The following NEGR1 variants were observed in gnomAD, a reference collection of about 807,000 sequenced individuals.
The protein encoded by NEGR1 is neuronal growth regulator 1.
In NEGR1, 10 loss-of-function variants were observed where a neutral mutation model predicts 40.9. The observed-to-expected ratio is 0.24, with a 90% CI of 0.15 to 0.42. NEGR1 has a LOEUF of 0.42. NEGR1 is among the 10% of genes least tolerant of loss of function. The pLI is 1.00. For synonymous variants in NEGR1, 185 were observed against 166.8 expected, an observed-to-expected ratio of 1.11 and a Z score of -0.84; for missense variants, 352 against 438.9, an observed-to-expected ratio of 0.80 and a Z score of 1.77.
chr1:72,087,592 G>A (rs1648277427), intron 1 of NEGR1, among the ~76,000 whole-genome samples: 1 of 151,506 alleles, frequency 6.6e-6, no homozygotes, highest in Non-Finnish European at 1.5e-5. Flanking sequence ...GAACATATTT[G>A]TGTTCTTTTA....
At chr1:71,857,237 C>CA (rs1659800785) in intron 2 of NEGR1, among the ~76,000 whole-genome samples, 1 of 151,658 alleles carries the variant, frequency 6.6e-6, no homozygotes, top group African/African-American at 2.4e-5. Context: ...TGTTAGAACT[C>CA]AAAAGAACTA....
chr1:71,811,739 C>G (rs1245817165), intron 2 of NEGR1, among the ~76,000 whole-genome samples: 2 of 150,910 alleles, frequency 1.3e-5, no homozygotes, highest in Non-Finnish European at 3.0e-5. Context: ...TGAAAAGTGT[C>G]TGGTAGATAG....
At chr1:72,134,352 C>A (rs1410654216) in intron 1 of NEGR1, among the ~76,000 whole-genome samples, 2 of 151,436 alleles carry the variant, frequency 1.3e-5, no homozygotes, top group African/African-American at 2.4e-5. Flanking sequence ...ACTACAGGCG[C>A]CCGCCACCAC....
At chr1:72,134,683 G>T (rs1570019378) in intron 1 of NEGR1, among the ~76,000 whole-genome samples, 1 of 148,612 alleles carries the variant, frequency 6.7e-6, no homozygotes, top group African/African-American at 2.5e-5. Flanking sequence ...CAATAAATGA[G>T]GATTTCCCTC....
At chr1:71,559,884 G>T (rs1177020912) in intron 6 of NEGR1, among the ~76,000 whole-genome samples, 2 of 150,698 alleles carry the variant, frequency 1.3e-5, no homozygotes, top group Admixed American at 6.6e-5. Flanking sequence ...CGTATTTCTT[G>T]TTCTTTAAAA....
At chr1:71,921,124 T>G (rs1292394537) in intron 2 of NEGR1, among the ~76,000 whole-genome samples, 1 of 152,188 alleles carries the variant, frequency 6.6e-6, no homozygotes, top group Non-Finnish European at 1.5e-5. Flanking sequence ...GATCCCAATA[T>G]ATGTGTAATT....
intron 1 of NEGR1, among the ~76,000 whole-genome samples, chr1:72,169,037 T>G (rs554063621): frequency 6.6e-6 from 1 of 152,268 alleles, no homozygotes; most frequent in South Asian, 2.1e-4. Flanking sequence ...CAGAAAATGA[T>G]GGGAGACAAC....
chr1:71,846,204 T>G (rs1048510535), intron 2 of NEGR1, among the ~76,000 whole-genome samples: 7 of 152,052 alleles, frequency 4.6e-5, no homozygotes, highest in Non-Finnish European at 1.0e-4. Flanking sequence ...GAAAGCAAGT[T>G]TCCCCCCCAA....
chr1:72,060,127 G>A (rs577414633), intron 1 of NEGR1, among the ~76,000 whole-genome samples: 133 of 151,660 alleles, frequency 8.8e-4, no homozygotes, highest in African/African-American at 3.1e-3. Flanking sequence ...AGGAAATTAC[G>A]ATATTAATAA....
intron 6 of NEGR1, among the ~76,000 whole-genome samples, chr1:71,579,603 ATTTTTT>A (rs36097070): frequency 1.4e-5 from 2 of 138,880 alleles, no homozygotes; most frequent in East Asian, 2.1e-4. Context: ...ACTACTTAAG[ATTTTTT>A]TTTTTTTTTT....
At chr1:71,498,084 T>G (rs1399495775) in intron 6 of NEGR1, among the ~76,000 whole-genome samples, 1 of 151,384 alleles carries the variant, frequency 6.6e-6, no homozygotes, top group Non-Finnish European at 1.5e-5. Flanking sequence ...AGTCTGAGCC[T>G]GTCCTGTCTA....
chr1:72,100,979 G>C (rs1206731218), intron 1 of NEGR1: 4 of 152,080 alleles, frequency 2.6e-5, no homozygotes, highest in African/African-American at 9.7e-5. Flanking sequence ...TCTTTTGTAA[G>C]GACAATAATC....
chr1:71,722,701 GA>G (rs1654548845), intron 3 of NEGR1, among the ~76,000 whole-genome samples: 1 of 151,552 alleles, frequency 6.6e-6, no homozygotes, highest in African/African-American at 2.4e-5. Context: ...GTGTGGGTCA[GA>G]AAAAAATTGG....
Position 72,098,930 on chromosome 1 carries a change from C to T in NEGR1, c.177-163619G>A, listed in dbSNP as rs750020929. Among the ~76,000 whole-genome samples, 59 of 151,846 alleles carry T rather than the reference C, an allele frequency of 3.9e-4. 1 individual carries two copies. The highest frequency in any genetic ancestry group is 1.0e-4 in the Non-Finnish European group (7 of 67,916). On this transcript the variant is annotated intron_variant, in intron 1 of 6. Coordinates refer to ENST00000357731, the MANE Select transcript of NEGR1 (RefSeq NM_173808.3). ...AAATAAAAAATAAAACTAAAATAAA[C>T]TTTTGAGTATGATTAAGCTTATTAA...
intron 1 of NEGR1, among the ~76,000 whole-genome samples, chr1:72,104,696 T>C (rs556524019): frequency 2.0e-5 from 3 of 152,256 alleles, no homozygotes; most frequent in African/African-American, 7.2e-5. Context: ...CACAATTAAT[T>C]TGATAGACTC....
At chr1:72,002,802 C>G (rs1042253001) in intron 1 of NEGR1, among the ~76,000 whole-genome samples, 1 of 152,012 alleles carries the variant, frequency 6.6e-6, no homozygotes, top group Non-Finnish European at 1.5e-5. Context: ...CAAATTGCAC[C>G]AAGGAATTTA....
chr1:71,796,724 G>A (rs1657342224), intron 2 of NEGR1, among the ~76,000 whole-genome samples: 1 of 152,236 alleles, frequency 6.6e-6, no homozygotes, highest in East Asian at 1.9e-4. Flanking sequence ...TAAGGCAGGA[G>A]TCATACTTCT....
intron 3 of NEGR1, among the ~76,000 whole-genome samples, chr1:71,706,564 CA>C (rs35126210): frequency 0.044 from 5,098 of 116,222 alleles, 84 homozygotes; most frequent in Non-Finnish European, 0.049. Context: ...GTTGCTGCTC[CA>C]AAAAAAAAAA....
rs750393948 is a variant in NEGR1 at position 71,768,565 on chromosome 1, ACTTGT to A, written c.535+7602_535+7606del. On this transcript the variant is annotated intron_variant, in intron 3 of 6. Coordinates refer to ENST00000357731, the MANE Select transcript of NEGR1 (RefSeq NM_173808.3). ...TTTTACAGGCACATAGGAAGAAGGG[ACTTGT>A]CTTGTCTCAGATGAAACTTTGAACT... Among the ~76,000 whole-genome samples the A allele has an allele frequency of 9.7e-4, 147 of 152,278 alleles. 2 individuals carry two copies. Among genetic ancestry groups the A allele is most frequent in the African/African-American group, 3.3e-3 (138 of 41,556 alleles).
Sources: allele counts gnomAD v4.1 joint callset (sites outside exome capture counted in the v4.1 genomes callset), GRCh38; gene constraint gnomAD v4.1.1; transcripts MANE v1.5; gene names NCBI Gene and HGNC (gene_info 2026-07-23, HGNC 2026-07-21).